The following ZNF385D variants were observed in gnomAD, a reference collection of about 807,000 sequenced individuals.
ZNF385D encodes zinc finger protein 385D, also known as zinc finger protein 659.
In ZNF385D, 15 loss-of-function variants were observed where a neutral mutation model predicts 35.8. That is an observed-to-expected ratio of 0.42 (90% CI 0.28 to 0.64). The LOEUF (loss-of-function observed/expected upper bound fraction) is 0.64. ZNF385D is among the 30% of genes least tolerant of loss of function. The probability of loss-of-function intolerance (pLI) is 0.23; values close to 1 mark genes in which losing one functional copy is unlikely to be tolerated. For synonymous variants in ZNF385D, 212 were observed against 186.8 expected (o/e 1.13, Z -1.10); for missense variants, 474 against 494.6 (o/e 0.96, Z 0.39).
chr3:21,988,453 T>C (rs1264605822), intron 3 of ZNF385D, among the ~76,000 whole-genome samples: 2 of 136,290 alleles, frequency 1.5e-5, no homozygotes, highest in African/African-American at 2.6e-5. Context: ...GTGCCCCTGC[T>C]GGGGGGTGCC....
chr3:22,162,245 A>T (rs181258528), intron 3 of ZNF385D, among the ~76,000 whole-genome samples: 2 of 152,252 alleles, frequency 1.3e-5, no homozygotes, highest in African/African-American at 4.8e-5. Flanking sequence ...TTTACCCCAA[A>T]ATATATTTCT....
intron 1 of ZNF385D, among the ~76,000 whole-genome samples, chr3:21,681,298 T>TGGA (rs367942289): frequency 4.7e-5 from 3 of 64,484 alleles, no homozygotes; most frequent in Non-Finnish European, 8.3e-5. Flanking sequence ...ATTCCATCAG[T>TGGA]AAAAAAAAAA....
chr3:22,324,310 A>G (rs1352245064), intron 2 of ZNF385D, among the ~76,000 whole-genome samples: 1 of 152,170 alleles, frequency 6.6e-6, no homozygotes, highest in African/African-American at 2.4e-5. Context: ...AACTAGTATT[A>G]AGCAGTAGAA....
chr3:22,358,157 G>C lies in ZNF385D; in HGVS notation c.106+14293C>G, dbSNP rs1219586632. On this transcript the variant is annotated intron_variant, in intron 2 of 5. Transcript: ENST00000494108. Reference sequence around the variant, plus strand: ...TGTTCAAGAAGTAATACTGAAAAGAGACTTTTGGATGTGACACAAAGTTCA... The same window carrying C: ...TGTTCAAGAAGTAATACTGAAAAGACACTTTTGGATGTGACACAAAGTTCA... Among the ~76,000 whole-genome samples the C allele has an allele frequency of 3.3e-5, 5 of 151,990 alleles. No individual in the cohort carries two copies. The South Asian group carries it at 6.2e-4, about 19-fold the overall frequency.
intron 3 of ZNF385D, among the ~76,000 whole-genome samples, chr3:22,094,047 C>T (rs755596070): frequency 6.6e-6 from 1 of 152,094 alleles, no homozygotes; most frequent in African/African-American, 2.4e-5. Flanking sequence ...AGTGGGTTGA[C>T]TGGATTTTAT....
At chr3:21,985,959 G>C (rs954599391) in intron 3 of ZNF385D, among the ~76,000 whole-genome samples, 1 of 121,718 alleles carries the variant, frequency 8.2e-6, no homozygotes, top group African/African-American at 3.9e-5. Flanking sequence ...TTGCGTAGAG[G>C]TGTTTGTAGT....
intron 3 of ZNF385D, among the ~76,000 whole-genome samples, chr3:22,077,449 T>C (rs189947490): frequency 1.3e-5 from 2 of 152,122 alleles, no homozygotes; most frequent in Non-Finnish European, 2.9e-5. Context: ...TCTATGCTGA[T>C]GTAATTTGGT....
At chr3:21,810,542 GTGTATGTA>G (rs569970008) in intron 3 of ZNF385D, among the ~76,000 whole-genome samples, 1 of 151,854 alleles carries the variant, frequency 6.6e-6, no homozygotes, top group African/African-American at 2.4e-5. Context: ...ATATATGTGT[GTGTATGTA>G]TGTATGTATA....
At chr3:22,106,583 C>G (rs992486489) in intron 3 of ZNF385D, among the ~76,000 whole-genome samples, 1 of 152,112 alleles carries the variant, frequency 6.6e-6, no homozygotes, top group Non-Finnish European at 1.5e-5. Context: ...CAGCTTGAGT[C>G]TCTCTCTCAC....
At chr3:21,887,663 T>C (rs899157989) in intron 3 of ZNF385D, among the ~76,000 whole-genome samples, 1 of 152,128 alleles carries the variant, frequency 6.6e-6, no homozygotes, top group Non-Finnish European at 1.5e-5. Flanking sequence ...ACAAAGATGC[T>C]ACATAATATT....
chr3:21,460,108 A>C lies in ZNF385D; in HGVS notation c.440-22905T>G, dbSNP rs552756472. On this transcript the variant is annotated intron_variant, in intron 4 of 7. Transcript: ENST00000281523. ...GTCCATGTTTCTTTTGATTCTGTTT[A>C]CATAAGAATTCTCCAAAGACTCAGG... 3.2e-4 allele frequency among the ~76,000 whole-genome samples: 49 copies of C among 152,292 alleles called. 1 individual carries two copies. The highest frequency in any genetic ancestry group is 1.1e-3 in the African/African-American group (46 of 41,568).
chr3:21,948,373 G>A (rs534330), intron 3 of ZNF385D, among the ~76,000 whole-genome samples: 13,764 of 148,868 alleles, frequency 0.092, 1,192 homozygotes, highest in African/African-American at 0.25. Context: ...TAGGAGGCAG[G>A]TTTTTCTTTT....
intron 2 of ZNF385D, among the ~76,000 whole-genome samples, chr3:22,224,354 T>C (rs1698433956): frequency 6.6e-6 from 1 of 152,156 alleles, no homozygotes; most frequent in South Asian, 2.1e-4. Flanking sequence ...ATGTATTTTA[T>C]TTGGATGAGT....
chr3:22,072,557 T>A (rs1347802791), intron 3 of ZNF385D, among the ~76,000 whole-genome samples: 1 of 151,978 alleles, frequency 6.6e-6, no homozygotes, highest in Non-Finnish European at 1.5e-5. Flanking sequence ...AGAGTTGCAA[T>A]TTTTAGGAAG....
chr3:21,804,262 C>A (rs539013824), intron 3 of ZNF385D, among the ~76,000 whole-genome samples: 1 of 152,138 alleles, frequency 6.6e-6, no homozygotes, highest in Non-Finnish European at 1.5e-5. Flanking sequence ...ACAATTATTG[C>A]CCTTTATAAA....
chr3:22,175,889 G>T (rs1010307696), intron 2 of ZNF385D, among the ~76,000 whole-genome samples: 1 of 148,718 alleles, frequency 6.7e-6, no homozygotes, highest in Non-Finnish European at 1.5e-5. Flanking sequence ...TTATTTTACT[G>T]TTATGGTAAA....
intron 3 of ZNF385D, among the ~76,000 whole-genome samples, chr3:22,104,829 AAG>A (rs1212628441): frequency 3.8e-4 from 57 of 151,524 alleles, no homozygotes; most frequent in African/African-American, 1.4e-3. Context: ...CTGAAATCAA[AAG>A]AGTCTCTGAA....
At chr3:21,693,839 A>G (rs902557352) in intron 1 of ZNF385D, among the ~76,000 whole-genome samples, 3 of 150,456 alleles carry the variant, frequency 2.0e-5, no homozygotes, top group African/African-American at 2.4e-5. Flanking sequence ...AAATATTAAT[A>G]CTGTAAAACT....
At position 22,305,611 on chromosome 3, in the gene ZNF385D, C is replaced by T. The variant is rs115461892; in HGVS notation, c.106+66839G>A. On this transcript the variant is annotated intron_variant, in intron 2 of 5. Transcript: ENST00000494108. ...GGAAAAAGAGTATGGTGAATGACCA[C>T]ACCAACTCTTAAGAACTTGTGCCCA... Among the ~76,000 whole-genome samples, 1,368 of 152,226 alleles carry T rather than the reference C, an allele frequency of 9.0e-3. 21 individuals carry two copies. Among genetic ancestry groups the T allele is most frequent in the African/African-American group, 0.032 (1,324 of 41,544 alleles).
Sources: gnomAD v4.1 joint callset for allele counts (sites outside exome capture counted in the v4.1 genomes callset) on GRCh38, gnomAD v4.1.1 for gene constraint, MANE v1.5 for transcripts, NCBI Gene and HGNC (gene_info 2026-07-23, HGNC 2026-07-21) for gene names.